MAL2: variants seen among roughly 807,000 people sequenced by gnomAD.
The protein encoded by MAL2 is protein MAL2.
In MAL2, 17 loss-of-function variants were observed where a neutral mutation model predicts 18.1. That is an observed-to-expected ratio of 0.94 (90% CI 0.64 to 1.41). The LOEUF (loss-of-function observed/expected upper bound fraction) is 1.41. Ranked by LOEUF, MAL2 falls within the 40% of genes most tolerant of loss-of-function variation. The pLI, the probability that MAL2 is intolerant of heterozygous loss-of-function variation, is 0.00. For missense variants in MAL2, 222 were observed against 231.9 expected (o/e 0.96, Z 0.28); for synonymous variants, 102 against 102.3 (o/e 1.00, Z 0.02).
chr8:119,208,796 T>A lies in MAL2; in HGVS notation c.132+192T>A. 1 of 889,462 alleles carries A rather than the reference T, an allele frequency of 1.1e-6. No homozygotes were observed. Among genetic ancestry groups the A allele is most frequent in the Non-Finnish European group, 1.5e-6 (1 of 683,290 alleles). The allele number at this position is 889,462 out of a possible 1,614,324, so 55.1% of individuals were successfully genotyped here. A position where few individuals can be genotyped will look rare whatever the true frequency, so the allele number is the denominator to read the frequency against. ...CCGGGCCCTCCCTCCTAGCACCTGT[T>A]ACGCGGGCACCTGCTCCCCCGCGGG... On this transcript the variant is annotated intron_variant, in intron 1 of 3. Coordinates refer to ENST00000614891, the MANE Select transcript of MAL2 (RefSeq NM_052886.3). The surrounding 1 kb of genome is among the most constrained non-coding windows in gnomAD (Gnocchi z 4.3).
chr8:119,243,495 T>A lies in MAL2; in HGVS notation c.*7T>A, dbSNP rs775154418. 15 of 1,586,048 alleles carry A rather than the reference T, an allele frequency of 9.5e-6. No individual in the cohort carries two copies. The African/African-American group carries it at 1.7e-4, about 18-fold the overall frequency. ...ACGAAGATGGCGACCGTAACACTCC[T>A]TAGAAACTGGCAGTCGTATGTTAGT... On this transcript the variant is annotated 3_prime_UTR_variant, in exon 4 of 4. Coordinates refer to ENST00000614891, the MANE Select transcript of MAL2 (RefSeq NM_052886.3).
intron 2 of MAL2, among the ~76,000 whole-genome samples, chr8:119,232,200 C>T (rs7824695): frequency 0.02 from 3,052 of 151,596 alleles, 103 homozygotes; most frequent in African/African-American, 0.071. Flanking sequence ...AACATGTACA[C>T]GATAAATATG....
At chr8:119,238,091 C>G (rs894584191) in intron 2 of MAL2, among the ~76,000 whole-genome samples, 1 of 152,234 alleles carries the variant, frequency 6.6e-6, no homozygotes, top group Non-Finnish European at 1.5e-5. Context: ...AGCAAAGTCT[C>G]AGGATACAAA....
chr8:119,211,035 G>T (rs1373078546), intron 1 of MAL2, among the ~76,000 whole-genome samples: 1 of 152,176 alleles, frequency 6.6e-6, no homozygotes, highest in Non-Finnish European at 1.5e-5. Flanking sequence ...CTTTAAGAGA[G>T]CAGAGATCAA....
intron 1 of MAL2, among the ~76,000 whole-genome samples, chr8:119,218,980 G>T (rs970584209): frequency 1.3e-5 from 2 of 152,032 alleles, no homozygotes; most frequent in African/African-American, 4.8e-5. Context: ...CCAGAAAGAA[G>T]AAAGTGGAAA....
intron 2 of MAL2, 55 bp from the exon 3 acceptor site, chr8:119,240,110 A>T: frequency 6.5e-7 from 1 of 1,549,456 alleles, no homozygotes; most frequent in Non-Finnish European, 8.8e-7. Flanking sequence ...ATTTAAAATA[A>T]GGAACAGAAA....
At chr8:119,235,720 ATACTT>A (rs1817874237) in intron 2 of MAL2, among the ~76,000 whole-genome samples, 3 of 150,534 alleles carry the variant, frequency 2.0e-5, no homozygotes, top group African/African-American at 7.5e-5. Context: ...GAGAAATAAA[ATACTT>A]TACAGACAAG....
intron 1 of MAL2, among the ~76,000 whole-genome samples, chr8:119,218,649 GTTC>G (rs1290644337): frequency 6.6e-6 from 1 of 152,084 alleles, no homozygotes; most frequent in Non-Finnish European, 1.5e-5. Context: ...TTTCTTGAGT[GTTC>G]TTCTATAGTA....
intron 1 of MAL2, among the ~76,000 whole-genome samples, chr8:119,213,904 A>T (rs565276936): frequency 2.2e-4 from 33 of 152,328 alleles, no homozygotes; most frequent in African/African-American, 7.5e-4. Flanking sequence ...TATTATCAAC[A>T]ATCATTTGCT....
In MAL2 at chr8:119,208,615, CCG is replaced by C. The variant is rs753502096; in HGVS notation, c.132+13_132+14del. ...GTCTGCCTGGAGATTGTAAGTGGGG[CCG>C]CCGGAGCGAGGGTCGCGCGGGGAGC... On this transcript the variant is annotated intron_variant, in intron 1 of 3. Coordinates refer to ENST00000614891, the MANE Select transcript of MAL2 (RefSeq NM_052886.3). The surrounding 1 kb of genome is among the most constrained non-coding windows in gnomAD (Gnocchi z 4.3). 2.4e-5 allele frequency: 31 copies of C among 1,310,924 alleles called. No individual in the cohort carries two copies. In the African/African-American group the frequency reaches 3.8e-4, roughly 16 times the overall value. 81.2% of individuals were successfully genotyped at this position (1,310,924 alleles called of 1,614,324 possible).
chr8:119,208,463 C>T lies in MAL2; in HGVS notation c.-10C>T. On this transcript the variant is annotated 5_prime_UTR_variant, in exon 1 of 4. Transcript: ENST00000614891. This position sits in a 1 kb window ranked among gnomAD's most constrained non-coding sequence, Gnocchi z 4.3. ...GCGGCGCGCGGAGACGCAGCAGCGGCAGCGGCAGCATGTCGGCCGGCGGAG... is the reference window on the plus strand; with the variant it reads ...GCGGCGCGCGGAGACGCAGCAGCGGTAGCGGCAGCATGTCGGCCGGCGGAG... 1 of 1,243,872 alleles carries T rather than the reference C, an allele frequency of 8.0e-7. No homozygotes were observed. The highest frequency in any genetic ancestry group is 1.0e-6 in the Non-Finnish European group (1 of 993,194). 77.1% of individuals were successfully genotyped at this position (1,243,872 alleles called of 1,614,324 possible).
In MAL2 at chr8:119,208,811, T is replaced by TC. The variant is rs1216472380; in HGVS notation, c.132+212dup. 9.2e-6 allele frequency: 7 copies of TC among 759,750 alleles called. No homozygotes were observed. The African/African-American group carries it at 1.1e-4, about 12-fold the overall frequency. The allele number at this position is 759,750 out of a possible 1,614,324, so 47.1% of individuals were successfully genotyped here. On this transcript the variant is annotated intron_variant, in intron 1 of 3. Transcript: ENST00000614891. The surrounding 1 kb of genome is among the most constrained non-coding windows in gnomAD (Gnocchi z 4.3). The stretch of plus-strand genomic sequence containing the variant: ...TAGCACCTGTTACGCGGGCACCTGC[T>TC]CCCCCGCGGGCGACGGAAATTGCCT...
At chr8:119,221,441 A>C (rs968603449) in intron 1 of MAL2, 146 bp from the exon 2 acceptor site, 2 of 936,100 alleles carry the variant, frequency 2.1e-6, no homozygotes, top group African/African-American at 3.3e-5. Flanking sequence ...TAATAAGGGG[A>C]AAATCGAAGG....
chr8:119,245,650 T>G lies in MAL2; in HGVS notation c.*2162T>G, dbSNP rs1818137727. The G allele has an allele frequency of 6.6e-6, 1 of 152,244 alleles. No homozygotes were observed. The highest frequency in any genetic ancestry group is 2.4e-5 in the African/African-American group (1 of 41,462). The allele number at this position is 152,244 out of a possible 1,614,324, so 9.4% of individuals were successfully genotyped here. On this transcript the variant is annotated 3_prime_UTR_variant, in exon 4 of 4. Transcript: ENST00000614891. The stretch of plus-strand genomic sequence containing the variant: ...AAATTTATTTTATACGTGTTATGTC[T>G]CTAATAAAGTATTCATTTGATAATC...
rs542374496 is a variant in MAL2, at chr8:119,239,987, A to G, written c.304-178A>G. 1.9e-4 allele frequency among the ~76,000 whole-genome samples: 29 copies of G among 152,324 alleles called. 1 individual carries two copies. Among genetic ancestry groups the G allele is most frequent in the African/African-American group, 6.3e-4 (26 of 41,582 alleles). On this transcript the variant is annotated intron_variant, in intron 2 of 3. Transcript: ENST00000614891. Reference sequence around the variant, plus strand: ...TGTGCCAATTAAGATGGGTCAGTTGATTTTCGCTTGGGTTCTGATAGTCTA... The same window carrying G: ...TGTGCCAATTAAGATGGGTCAGTTGGTTTTCGCTTGGGTTCTGATAGTCTA...
Position 119,228,090 on chromosome 8 carries a change from A to G in MAL2, c.303+6333A>G, listed in dbSNP as rs148475774. Among the ~76,000 whole-genome samples the G allele has an allele frequency of 2.8e-3, 432 of 152,220 alleles. 1 individual carries two copies. The highest frequency in any genetic ancestry group is 9.8e-3 in the African/African-American group (407 of 41,544). ...TACATATAATTCCTTTCGCCCTCTT[A>G]TGGCACATACACGAGGGCAATACAT... On this transcript the variant is annotated intron_variant, in intron 2 of 3. Coordinates refer to ENST00000614891, the MANE Select transcript of MAL2 (RefSeq NM_052886.3).
At chr8:119,230,893 CT>C (rs2129859628) in intron 2 of MAL2, among the ~76,000 whole-genome samples, 1 of 152,206 alleles carries the variant, frequency 6.6e-6, no homozygotes, top group African/African-American at 2.4e-5. Flanking sequence ...TAACACTTTT[CT>C]TAAATCTTTT....
chr8:119,218,506 C>G (rs1817397761), intron 1 of MAL2, among the ~76,000 whole-genome samples: 1 of 152,162 alleles, frequency 6.6e-6, no homozygotes, highest in African/African-American at 2.4e-5. Context: ...CCTCTCCCCT[C>G]CCAGCCTCTC....
At chr8:119,243,004 A>C (rs2129932621) in intron 3 of MAL2, among the ~76,000 whole-genome samples, 1 of 152,336 alleles carries the variant, frequency 6.6e-6, no homozygotes, top group South Asian at 2.1e-4. Context: ...ATCATCATAG[A>C]AATTATTTGA....
Sources: gnomAD v4.1 joint callset for allele counts (sites outside exome capture counted in the v4.1 genomes callset) on GRCh38, gnomAD v4.1.1 for gene constraint, Gnocchi (gnomAD v3.1) non-coding constraint, MANE v1.5 for transcripts, NCBI Gene and HGNC (gene_info 2026-07-23, HGNC 2026-07-21) for gene names.